Variants in GATAD1 observed in about 807,000 individuals in gnomAD.
The protein encoded by GATAD1 is GATA zinc finger domain containing 1.
In GATAD1, 12 loss-of-function variants were observed where a neutral mutation model predicts 26.5. The ratio of observed to expected loss-of-function variants is 0.45; its 90% CI spans 0.29 to 0.73. GATAD1 has a LOEUF of 0.73. Among genes scored for constraint, GATAD1 ranks in the 30% least tolerant of loss-of-function variants. The pLI is 0.10. For missense variants in GATAD1, 266 were observed against 342.1 expected (o/e 0.78, Z 1.75); for synonymous variants, 129 against 133.1 (o/e 0.97, Z 0.21).
At chr7:92,492,828 A>AT in the GATAD1 span, 1 of 781,328 alleles carries the variant, frequency 1.3e-6, no homozygotes, top group South Asian at 1.4e-5. Context: ...CTAAAGGTAA[A>AT]TTTATGTTTC....
the GATAD1 span, chr7:92,469,458 A>G: frequency 2.6e-6 from 2 of 769,318 alleles, no homozygotes; most frequent in African/African-American, 1.7e-5. Context: ...TAGATATGAC[A>G]TAACTGTATA....
the GATAD1 span, chr7:92,494,313 A>G: frequency 6.2e-7 from 1 of 1,613,544 alleles, no homozygotes; most frequent in Non-Finnish European, 8.5e-7. Flanking sequence ...GGAGGACAGT[A>G]TACACATTTA....
At chr7:92,482,469 G>C in the GATAD1 span, among the ~76,000 whole-genome samples, 30 of 152,292 alleles carry the variant, frequency 2.0e-4, 1 homozygote, top group Admixed American at 1.7e-3. Flanking sequence ...TTAGAAGCCC[G>C]TGCTGTAGCA....
chr7:92,486,174 A>T, the GATAD1 span, among the ~76,000 whole-genome samples: 1 of 152,218 alleles, frequency 6.6e-6, no homozygotes, highest in Non-Finnish European at 1.5e-5. Flanking sequence ...TGTCAGCAGC[A>T]GTGACCAACC....
At chr7:92,483,992 A>G in the GATAD1 span, among the ~76,000 whole-genome samples, 2 of 152,084 alleles carry the variant, frequency 1.3e-5, no homozygotes, top group Non-Finnish European at 2.9e-5. Context: ...AAGATTTGGG[A>G]TGAGTCGCAT....
chr7:92,463,697 G>A (rs1409937642), downstream of GATAD1, among the ~76,000 whole-genome samples: 4 of 149,692 alleles, frequency 2.7e-5, no homozygotes, highest in Admixed American at 6.7e-5. Flanking sequence ...ACCTGGGTGC[G>A]GTGGCTCATG....
Position 92,448,892 on chromosome 7 carries a change from G to T in GATAD1, c.375+15G>T. 1 of 1,608,618 alleles carries T rather than the reference G, an allele frequency of 6.2e-7. No individual in the cohort carries two copies. The highest frequency in any genetic ancestry group is 1.3e-5 in the African/African-American group (1 of 74,940). On this transcript the variant is annotated intron_variant, in intron 2 of 4. Coordinates refer to ENST00000287957, the MANE Select transcript of GATAD1 (RefSeq NM_021167.5). The stretch of plus-strand genomic sequence containing the variant: ...AATTGAAAAATGTAAGATATTTGTG[G>T]ACAGTGCCTTTTACTGTAATGACGT...
the GATAD1 span, chr7:92,492,966 G>A: frequency 2.5e-6 from 4 of 1,613,228 alleles, no homozygotes; most frequent in Admixed American, 1.7e-5. Flanking sequence ...GAGTCCACTC[G>A]AGAGCAGCAT....
At chr7:92,478,522 A>G in the GATAD1 span, among the ~76,000 whole-genome samples, 1 of 152,282 alleles carries the variant, frequency 6.6e-6, no homozygotes, top group Non-Finnish European at 1.5e-5. Flanking sequence ...GCAATATGAG[A>G]GGCTAGGTGG....
the GATAD1 span, chr7:92,494,416 T>G: frequency 6.2e-7 from 1 of 1,612,804 alleles, no homozygotes; most frequent in African/African-American, 1.3e-5. Flanking sequence ...AAAAGAACAT[T>G]TTTTTACCAA....
At chr7:92,492,803 CTATG>C in the GATAD1 span, 2 of 692,064 alleles carry the variant, frequency 2.9e-6, no homozygotes, top group South Asian at 3.3e-5. Flanking sequence ...CATATTCCAA[CTATG>C]GAACATTCAA....
the GATAD1 span, chr7:92,471,101 T>C: frequency 6.0e-6 from 1 of 166,660 alleles, no homozygotes; most frequent in Non-Finnish European, 1.5e-5. Flanking sequence ...TGGGAATTAT[T>C]TCATGAACTA....
intron 1 of GATAD1, 141 bp downstream of exon 1, chr7:92,448,119 C>T (rs932479069): frequency 4.0e-6 from 2 of 502,446 alleles, no homozygotes; most frequent in Non-Finnish European, 6.0e-6. Flanking sequence ...CCACCTCCTA[C>T]TGAGATCTTT....
Position 92,447,718 on chromosome 7 carries a change from G to C in GATAD1, c.-12G>C. The C allele has an allele frequency of 6.9e-7, 1 of 1,456,816 alleles. No individual in the cohort carries two copies. Among genetic ancestry groups the C allele is most frequent in the Non-Finnish European group, 9.1e-7 (1 of 1,103,658 alleles). 90.2% of individuals were successfully genotyped at this position (1,456,816 alleles called of 1,614,324 possible). A position where few individuals can be genotyped will look rare whatever the true frequency, so the allele number is the denominator to read the frequency against. ...GTCTCTGCGCCCGCGGGGGCCGCCC[G>C]AGCCGGCCACCATGCCGCTGGGCCT... is the stretch of plus-strand genomic sequence containing the variant. On this transcript the variant is annotated 5_prime_UTR_variant, in exon 1 of 5. Coordinates refer to ENST00000287957, the MANE Select transcript of GATAD1 (RefSeq NM_021167.5).
At chr7:92,494,112 C>A in the GATAD1 span, 1 of 598,602 alleles carries the variant, frequency 1.7e-6, no homozygotes, top group Admixed American at 2.8e-5. Context: ...TTGCACTGGG[C>A]CAAAAAAAGG....
At chr7:92,466,693 A>T in the GATAD1 span, among the ~76,000 whole-genome samples, 1 of 152,208 alleles carries the variant, frequency 6.6e-6, no homozygotes, top group African/African-American at 2.4e-5. Flanking sequence ...AGCCCATTAC[A>T]TGTATGTTTT....
the GATAD1 span, chr7:92,494,464 A>T: frequency 1.2e-6 from 2 of 1,612,606 alleles, no homozygotes. Context: ...ATAACATTCT[A>T]TTTCTGTATT....
the GATAD1 span, among the ~76,000 whole-genome samples, chr7:92,476,554 A>G: frequency 6.6e-6 from 1 of 152,150 alleles, no homozygotes; most frequent in Admixed American, 6.6e-5. Context: ...GGAATAGGGC[A>G]CACTGTTTTT....
the GATAD1 span, among the ~76,000 whole-genome samples, chr7:92,482,064 A>G: frequency 6.6e-6 from 1 of 152,230 alleles, no homozygotes; most frequent in Non-Finnish European, 1.5e-5. Context: ...GGTCATCAAT[A>G]TATTGAATAA....
Sources: gnomAD v4.1 joint callset for allele counts (sites outside exome capture counted in the v4.1 genomes callset) on GRCh38, gnomAD v4.1.1 for gene constraint, MANE v1.5 for transcripts, NCBI Gene and HGNC (gene_info 2026-07-23, HGNC 2026-07-21) for gene names.